MPP2: variants seen among roughly 807,000 people sequenced by gnomAD.
MPP2 encodes MAGUK p55 subfamily member 2.
Under a neutral mutation model 58.5 loss-of-function variants are expected in MPP2, and 42 were observed. That is an observed-to-expected ratio of 0.72 (90% CI 0.56 to 0.93). The LOEUF (loss-of-function observed/expected upper bound fraction) is 0.93, where lower values mean the gene tolerates loss of function less well. MPP2 is among the 40% of genes least tolerant of loss of function. The probability of loss-of-function intolerance (pLI) is 0.00; values close to 1 mark genes in which losing one functional copy is unlikely to be tolerated. For synonymous variants in MPP2, 300 were observed against 307.8 expected (o/e 0.97, Z 0.26); for missense variants, 632 against 760.4 (o/e 0.83, Z 1.99).
intron 3 of MPP2, among the ~76,000 whole-genome samples, chr17:43,897,826 G>A (rs1219614695): frequency 2.0e-5 from 3 of 152,316 alleles, no homozygotes; most frequent in South Asian, 4.1e-4. Flanking sequence ...AAAATGCATA[G>A]TGTATCCACC....
intron 3 of MPP2, among the ~76,000 whole-genome samples, chr17:43,893,220 C>T (rs2047683201): frequency 6.6e-6 from 1 of 152,216 alleles, no homozygotes; most frequent in South Asian, 2.1e-4. Context: ...CTCACTGTCT[C>T]ACTGTGGAGA....
chr17:43,884,147 C>T, intron 3 of MPP2: 1 of 702,508 alleles, frequency 1.4e-6, no homozygotes, highest in Admixed American at 2.0e-5. Context: ...ACCACAATAC[C>T]ATTATCACCT....
chr17:43,883,127 G>T, intron 4 of MPP2, 75 bp from the exon 5 acceptor site: 1 of 1,555,992 alleles, frequency 6.4e-7, no homozygotes, highest in Non-Finnish European at 8.7e-7. Flanking sequence ...CCAACTTCCT[G>T]CTGGCCCATC....
intron 12 of MPP2, 53 bp from the exon 13 acceptor site, chr17:43,878,036 A>T: frequency 6.5e-7 from 1 of 1,549,038 alleles, no homozygotes; most frequent in Non-Finnish European, 8.8e-7. Flanking sequence ...ACTCACCCCC[A>T]CTGTCAGAAG....
rs1239876904 is a variant in MPP2, at chr17:43,879,224, C to A, written c.1482+51G>T. ...TCTCTGTCAGCTCAGGCCTGTCCCC[C>A]ACCACCCTAGGCAGCTATCAGACCC... On this transcript the variant is annotated intron_variant, in intron 12 of 12. Transcript: ENST00000269095. This position sits in a 1 kb window ranked among gnomAD's most constrained non-coding sequence, Gnocchi z 4.1. The A allele has an allele frequency of 1.3e-6, 2 of 1,575,530 alleles. No individual in the cohort carries two copies. Among genetic ancestry groups the A allele is most frequent in the South Asian group, 1.2e-5 (1 of 86,280 alleles).
upstream of MPP2, chr17:43,907,833 A>C: frequency 1.0e-6 from 1 of 985,438 alleles, no homozygotes; most frequent in African/African-American, 1.7e-5. Context: ...AAAGTGCCTA[A>C]TGAGACCGGC....
At chr17:43,887,050 C>CAAAAA (rs35016242) in intron 3 of MPP2, among the ~76,000 whole-genome samples, 1 of 141,900 alleles carries the variant, frequency 7.0e-6, no homozygotes. Flanking sequence ...TTTTTGCATG[C>CAAAAA]AAAAAAAAAA....
chr17:43,900,415 G>T, intron 2 of MPP2: 2 of 1,534,312 alleles, frequency 1.3e-6, no homozygotes, highest in Non-Finnish European at 1.8e-6. Context: ...CTCTGCTGGA[G>T]GAAGGTAGGC....
At chr17:43,901,391 C>A in intron 2 of MPP2, 1 of 985,472 alleles carries the variant, frequency 1.0e-6, no homozygotes, top group Non-Finnish European at 1.2e-6. Flanking sequence ...GAACTCAGTT[C>A]CCCAGAAAGG....
At chr17:43,888,776 G>A (rs1031433030) in intron 3 of MPP2, among the ~76,000 whole-genome samples, 35 of 152,198 alleles carry the variant, frequency 2.3e-4, no homozygotes, top group African/African-American at 8.2e-4. Context: ...CCCACCATGG[G>A]CTAATCCATT....
rs371563743 is a variant in MPP2, at chr17:43,878,641, C to T, written c.1482+634G>A. 1.6e-3 allele frequency among the ~76,000 whole-genome samples: 244 copies of T among 152,298 alleles called. 2 individuals carry two copies. The highest frequency in any genetic ancestry group is 5.7e-3 in the African/African-American group (236 of 41,566). ...GGGTCATTGGCAGAAGGGTGCCAGC[C>T]TAGACAGCCTCTCCTGGGCCCCAGG... On this transcript the variant is annotated intron_variant, in intron 12 of 12. Transcript: ENST00000269095.
chr17:43,891,095 T>A lies in MPP2; in HGVS notation c.150+7167A>T, dbSNP rs531354421. On this transcript the variant is annotated intron_variant, in intron 3 of 12. Coordinates refer to ENST00000269095, the MANE Select transcript of MPP2 (RefSeq NM_005374.5). Reference sequence around the variant, plus strand: ...TGTCAGAGCCCCTATCTTAGTGACCTCCCTAGACCTTTATTCTTCTAGGGC... The same window carrying A: ...TGTCAGAGCCCCTATCTTAGTGACCACCCTAGACCTTTATTCTTCTAGGGC... Among the ~76,000 whole-genome samples the A allele has an allele frequency of 2.6e-5, 4 of 152,276 alleles. No homozygotes were observed. In the East Asian group the frequency reaches 7.7e-4, roughly 29 times the overall value.
At chr17:43,878,127 T>C in intron 12 of MPP2, 144 bp from the exon 13 acceptor site, 1 of 751,936 alleles carries the variant, frequency 1.3e-6, no homozygotes, top group Non-Finnish European at 2.1e-6. Context: ...GGGGCCCCTC[T>C]CTGCGTGCCT....
chr17:43,879,301 T>G lies in MPP2; in HGVS notation c.1456A>C (p.Ser486Arg). ...GTGAGCTGCTTGGTGGATATTCCACTCTCCAGCGCAGCCCTGTTCATGGCC... is the reference window on the plus strand; with the variant it reads ...GTGAGCTGCTTGGTGGATATTCCACGCTCCAGCGCAGCCCTGTTCATGGCC... ...LRAMNRAALE[S>R]GISTKQLTEA... The change falls in exon 12 of 13, where the codon AGT becomes CGT. Residue 486 changes from serine (S) to arginine (R), a missense_variant. Physicochemically the swap from Ser to Arg is moderately radical, Grantham distance 110. Transcript: ENST00000269095. This position sits in a 1 kb window ranked among gnomAD's most constrained non-coding sequence, Gnocchi z 4.1. The G allele has an allele frequency of 6.2e-7, 1 of 1,613,452 alleles. No homozygotes were observed. Among genetic ancestry groups the G allele is most frequent in the Non-Finnish European group, 8.5e-7 (1 of 1,179,520 alleles).
At position 43,879,683 on chromosome 17, in the gene MPP2, T is replaced by C. The variant is rs1435308536; in HGVS notation, c.1353+99A>G. On this transcript the variant is annotated intron_variant, in intron 11 of 12. Transcript: ENST00000269095. The surrounding 1 kb of genome is among the most constrained non-coding windows in gnomAD (Gnocchi z 4.1). ...AGTAGTTGAGGGCAAAGGGGGTACA[T>C]GGGCGTGTTCAGGTGACAGGTGTCT... 4.4e-6 allele frequency: 6 copies of C among 1,362,878 alleles called. No individual in the cohort carries two copies. Among genetic ancestry groups the C allele is most frequent in the Non-Finnish European group, 6.1e-6 (6 of 987,426 alleles). 84.4% of individuals were successfully genotyped at this position (1,362,878 alleles called of 1,614,324 possible). A position where few individuals can be genotyped will look rare whatever the true frequency, so the allele number is the denominator to read the frequency against.
At position 43,879,990 on chromosome 17, in the gene MPP2, G is replaced by C. The variant is rs1287720626; in HGVS notation, c.1151-6C>G. ...TTTCGGCCGCCGGGAGGTGTCTAGG[G>C]GGATGGGGGTAGGTTGGACCAAATG... is the stretch of plus-strand genomic sequence containing the variant. On this transcript the variant is annotated splice_polypyrimidine_tract_variant and splice_region_variant and intron_variant, in intron 10 of 12. Coordinates refer to ENST00000269095, the MANE Select transcript of MPP2 (RefSeq NM_005374.5). This position sits in a 1 kb window ranked among gnomAD's most constrained non-coding sequence, Gnocchi z 4.1. 1 of 1,613,934 alleles carries C rather than the reference G, an allele frequency of 6.2e-7. No homozygotes were observed. The highest frequency in any genetic ancestry group is 2.2e-5 in the East Asian group (1 of 44,870).
chr17:43,886,807 C>T (rs1449350933), intron 3 of MPP2, among the ~76,000 whole-genome samples: 2 of 152,136 alleles, frequency 1.3e-5, no homozygotes, highest in Non-Finnish European at 2.9e-5. Context: ...TTGCATTTTG[C>T]TTATTATGAG....
chr17:43,909,550 C>T (rs1183712595), upstream of MPP2: 7 of 1,456,142 alleles, frequency 4.8e-6, no homozygotes, highest in East Asian at 2.7e-5. Flanking sequence ...ACCTCCATAG[C>T]GACCCACATC....
intron 12 of MPP2, 53 bp from the exon 13 acceptor site, chr17:43,878,036 A>G: frequency 1.3e-6 from 2 of 1,549,038 alleles, no homozygotes; most frequent in Non-Finnish European, 1.8e-6. Context: ...ACTCACCCCC[A>G]CTGTCAGAAG....
Sources: allele counts gnomAD v4.1 joint callset (sites outside exome capture counted in the v4.1 genomes callset), GRCh38; gene constraint gnomAD v4.1.1; non-coding constraint Gnocchi (gnomAD v3.1); transcripts MANE v1.5; gene names NCBI Gene and HGNC (gene_info 2026-07-23, HGNC 2026-07-21).